Variants in SPMIP2 observed in about 807,000 individuals in gnomAD.
SPMIP2 encodes the protein protein SPMIP2.
chr4:158,897,611 CAT>C, the SPMIP2 span, among the ~76,000 whole-genome samples: 15 of 152,152 alleles, frequency 9.9e-5, no homozygotes, highest in East Asian at 1.9e-4. Flanking sequence ...AGCTTTTTTT[CAT>C]ATGTTTGTTG....
chr4:158,947,323 T>C, the SPMIP2 span, among the ~76,000 whole-genome samples: 975 of 152,292 alleles, frequency 6.4e-3, 10 homozygotes, highest in African/African-American at 0.021. Flanking sequence ...GTGGCTGACC[T>C]TAAGTCTGTG....
At chr4:159,027,421 G>A in the SPMIP2 span, among the ~76,000 whole-genome samples, 1 of 152,056 alleles carries the variant, frequency 6.6e-6, no homozygotes, top group Non-Finnish European at 1.5e-5. Context: ...ATATCTTAAA[G>A]TAATAGAACA....
At chr4:159,039,664 A>G in the SPMIP2 span, among the ~76,000 whole-genome samples, 2 of 152,236 alleles carry the variant, frequency 1.3e-5, no homozygotes, top group Non-Finnish European at 2.9e-5. Context: ...CTGGGACTAA[A>G]AGTGGTCTCC....
chr4:158,986,459 A>G, the SPMIP2 span, among the ~76,000 whole-genome samples: 1 of 152,206 alleles, frequency 6.6e-6, no homozygotes, highest in African/African-American at 2.4e-5. Flanking sequence ...GGAACAGAAC[A>G]AAGCCCTCAG....
chr4:159,040,387 G>A, the SPMIP2 span, among the ~76,000 whole-genome samples: 1 of 152,038 alleles, frequency 6.6e-6, no homozygotes, highest in Non-Finnish European at 1.5e-5. Context: ...TAGCCAGGAT[G>A]GTCTTGATCT....
chr4:159,075,480 T>C, the SPMIP2 span, among the ~76,000 whole-genome samples: 1 of 152,248 alleles, frequency 6.6e-6, no homozygotes, highest in Non-Finnish European at 1.5e-5. Context: ...ATTGTGTTTC[T>C]ATAATGATGA....
At chr4:158,982,605 A>G in the SPMIP2 span, among the ~76,000 whole-genome samples, 15 of 152,332 alleles carry the variant, frequency 9.8e-5, no homozygotes, top group East Asian at 2.9e-3. Flanking sequence ...AAACTGAACA[A>G]TCTGCTCCTG....
the SPMIP2 span, chr4:158,904,552 C>T: frequency 6.2e-7 from 1 of 1,610,068 alleles, no homozygotes; most frequent in African/African-American, 1.3e-5. Flanking sequence ...TAAGCTAAAG[C>T]TCAGGACAGT....
chr4:158,945,032 C>CT, the SPMIP2 span, among the ~76,000 whole-genome samples: 1 of 152,164 alleles, frequency 6.6e-6, no homozygotes, highest in Non-Finnish European at 1.5e-5. Flanking sequence ...CAAGAATTAA[C>CT]TTGCCCCTGA....
chr4:159,010,820 C>T, the SPMIP2 span, among the ~76,000 whole-genome samples: 1 of 152,096 alleles, frequency 6.6e-6, no homozygotes, highest in Non-Finnish European at 1.5e-5. Flanking sequence ...TAATGTCTTA[C>T]CTATCCTCTA....
the SPMIP2 span, among the ~76,000 whole-genome samples, chr4:158,916,936 C>A: frequency 6.6e-6 from 1 of 152,096 alleles, no homozygotes. Flanking sequence ...GAGTCACCAC[C>A]CAGCCTGTCT....
At chr4:158,925,700 C>G in the SPMIP2 span, among the ~76,000 whole-genome samples, 1 of 152,366 alleles carries the variant, frequency 6.6e-6, no homozygotes, top group South Asian at 2.1e-4. Flanking sequence ...GTAATGCTCT[C>G]TGGCCTGCTG....
At chr4:159,020,068 C>T in the SPMIP2 span, among the ~76,000 whole-genome samples, 2 of 151,424 alleles carry the variant, frequency 1.3e-5, no homozygotes, top group South Asian at 2.1e-4. Flanking sequence ...TGCAGTGAGC[C>T]GAGATTGTGC....
chr4:159,016,494 G>C, the SPMIP2 span, among the ~76,000 whole-genome samples: 1 of 152,136 alleles, frequency 6.6e-6, no homozygotes. Context: ...AAAAATTACA[G>C]ATCATTTTCT....
chr4:158,981,702 G>C, the SPMIP2 span, among the ~76,000 whole-genome samples: 2 of 150,004 alleles, frequency 1.3e-5, no homozygotes, highest in African/African-American at 4.9e-5. Context: ...AGCTCCTGAA[G>C]GAAGCACTAA....
the SPMIP2 span, among the ~76,000 whole-genome samples, chr4:158,930,641 A>T: frequency 7.3e-6 from 1 of 137,510 alleles, no homozygotes; most frequent in Admixed American, 7.5e-5. Flanking sequence ...ACAGGCATGC[A>T]CTACCATGCC....
the SPMIP2 span, among the ~76,000 whole-genome samples, chr4:158,929,521 CTATTT>C: frequency 6.6e-6 from 1 of 152,292 alleles, no homozygotes; most frequent in Admixed American, 6.5e-5. Flanking sequence ...AAATAGTACA[CTATTT>C]TAATTCCCTT....
the SPMIP2 span, among the ~76,000 whole-genome samples, chr4:158,933,166 G>A: frequency 9.2e-5 from 14 of 152,218 alleles, 1 homozygote; most frequent in East Asian, 2.5e-3. Flanking sequence ...ACCACGCCCT[G>A]CTAATTTTTG....
chr4:158,897,844 TA>T, the SPMIP2 span, among the ~76,000 whole-genome samples: 510 of 152,360 alleles, frequency 3.3e-3, no homozygotes, highest in African/African-American at 0.011. Flanking sequence ...TTAGTTTAAT[TA>T]GATCCCATTT....
Sources: gnomAD v4.1 joint callset for allele counts (sites outside exome capture counted in the v4.1 genomes callset) on GRCh38, gnomAD v4.1.1 for gene constraint, MANE v1.5 for transcripts, NCBI Gene and HGNC (gene_info 2026-07-23, HGNC 2026-07-21) for gene names.